Variants in PRKCQ observed in about 807,000 individuals in gnomAD.
PRKCQ encodes protein kinase C theta.
Under a neutral mutation model 91.2 loss-of-function variants are expected in PRKCQ, and 41 were observed. That is an observed-to-expected ratio of 0.45 (90% confidence interval 0.35 to 0.58). The LOEUF (loss-of-function observed/expected upper bound fraction) is 0.58. Among genes scored for constraint, PRKCQ ranks in the 20% least tolerant of loss-of-function variants. The probability of loss-of-function intolerance (pLI) is 0.00; values close to 1 mark genes in which losing one functional copy is unlikely to be tolerated. For synonymous variants in PRKCQ, 307 were observed against 316.9 expected (o/e 0.97, Z 0.33); for missense variants, 673 against 896.5 (o/e 0.75, Z 3.18).
intron 16 of PRKCQ, among the ~76,000 whole-genome samples, chr10:6,439,517 G>T (rs1241160715): frequency 6.6e-6 from 1 of 152,022 alleles, no homozygotes; most frequent in African/African-American, 2.4e-5. Context: ...TGCCTCTCCT[G>T]CCTCCCTTCC....
intron 3 of PRKCQ, among the ~76,000 whole-genome samples, chr10:6,507,860 C>T (rs556795769): frequency 6.6e-6 from 1 of 152,212 alleles, no homozygotes; most frequent in Admixed American, 6.5e-5. Context: ...GGCACTGGGA[C>T]TGGCTTCCTT....
intron 3 of PRKCQ, among the ~76,000 whole-genome samples, 186 bp from the exon 4 acceptor site, chr10:6,507,682 T>A (rs1368374248): frequency 6.6e-6 from 1 of 152,224 alleles, no homozygotes; most frequent in Non-Finnish European, 1.5e-5. Context: ...CTTTCTTTTC[T>A]TAAAACATCC....
At chr10:6,499,625 A>G (rs1837795902) in intron 4 of PRKCQ, among the ~76,000 whole-genome samples, 2 of 152,246 alleles carry the variant, frequency 1.3e-5, no homozygotes, top group African/African-American at 2.4e-5. Context: ...TAATTTTGTA[A>G]TAGCTTGAAG....
intron 1 of PRKCQ, among the ~76,000 whole-genome samples, chr10:6,540,383 C>T (rs1461844978): frequency 3.3e-5 from 5 of 152,168 alleles, no homozygotes; most frequent in Admixed American, 6.5e-5. Context: ...TCAACACTAA[C>T]GCCCCATTCC....
chr10:6,486,956 A>T (rs1588742241), intron 8 of PRKCQ, among the ~76,000 whole-genome samples: 1 of 152,202 alleles, frequency 6.6e-6, no homozygotes, highest in Non-Finnish European at 1.5e-5. Context: ...GAACACACCT[A>T]GCAAGACTGG....
At chr10:6,488,350 T>TA (rs1441137195) in intron 8 of PRKCQ, among the ~76,000 whole-genome samples, 1 of 152,048 alleles carries the variant, frequency 6.6e-6, no homozygotes, top group African/African-American at 2.4e-5. Flanking sequence ...AGCTCAATAA[T>TA]AAAATAAAGC....
At chr10:6,572,539 C>T (rs1391372161) in intron 1 of PRKCQ, among the ~76,000 whole-genome samples, 1 of 152,212 alleles carries the variant, frequency 6.6e-6, no homozygotes, top group African/African-American at 2.4e-5. Context: ...CCAGCTCTAT[C>T]CATGTCCCTG....
At chr10:6,560,416 GCTT>G (rs1049764410) in intron 1 of PRKCQ, among the ~76,000 whole-genome samples, 17 of 152,272 alleles carry the variant, frequency 1.1e-4, no homozygotes, top group African/African-American at 3.6e-4. Flanking sequence ...GGTTTTCACA[GCTT>G]CTTCTTCCCC....
intron 3 of PRKCQ, among the ~76,000 whole-genome samples, chr10:6,509,444 C>T (rs1336191684): frequency 6.6e-6 from 1 of 152,222 alleles, no homozygotes; most frequent in African/African-American, 2.4e-5. Flanking sequence ...TCCTCAGTTT[C>T]TCCCATTCCT....
intron 1 of PRKCQ, among the ~76,000 whole-genome samples, chr10:6,532,358 T>G (rs775215048): frequency 1.3e-5 from 2 of 152,244 alleles, no homozygotes; most frequent in African/African-American, 2.4e-5. Context: ...GGATACATAG[T>G]TGGCAAATGT....
At chr10:6,577,493 C>A (rs546940892) in intron 1 of PRKCQ, among the ~76,000 whole-genome samples, 1 of 152,098 alleles carries the variant, frequency 6.6e-6, no homozygotes, top group African/African-American at 2.4e-5. Flanking sequence ...GAGTTTAATG[C>A]TATGTATGCC....
At chr10:6,480,372 A>G (rs1479125203) in intron 11 of PRKCQ, among the ~76,000 whole-genome samples, 1 of 152,228 alleles carries the variant, frequency 6.6e-6, no homozygotes, top group Non-Finnish European at 1.5e-5. Flanking sequence ...ATTTAACTCC[A>G]AAATCTACTT....
chr10:6,429,724 T>C (rs905933848), intron 17 of PRKCQ, among the ~76,000 whole-genome samples: 1 of 151,142 alleles, frequency 6.6e-6, no homozygotes, highest in South Asian at 2.1e-4. Context: ...ATGACTTTTT[T>C]TTGTTGTTTT....
intron 11 of PRKCQ, among the ~76,000 whole-genome samples, chr10:6,483,036 TAG>T (rs1234708657): frequency 3.3e-5 from 5 of 151,974 alleles, no homozygotes; most frequent in Non-Finnish European, 7.4e-5. Context: ...AGATATTTAA[TAG>T]AGAGAGAAAA....
chr10:6,508,095 T>C (rs897842927), intron 3 of PRKCQ, among the ~76,000 whole-genome samples: 1 of 152,174 alleles, frequency 6.6e-6, no homozygotes, highest in African/African-American at 2.4e-5. Flanking sequence ...AATTTATAAA[T>C]GTATATAAAT....
chr10:6,449,526 A>G (rs2132285226), intron 15 of PRKCQ, among the ~76,000 whole-genome samples: 1 of 152,296 alleles, frequency 6.6e-6, no homozygotes, highest in Non-Finnish European at 1.5e-5. Context: ...ATTATCCAGG[A>G]GAACTTCCCC....
intron 15 of PRKCQ, among the ~76,000 whole-genome samples, chr10:6,447,770 C>T (rs908786647): frequency 2.6e-5 from 4 of 152,172 alleles, no homozygotes; most frequent in Non-Finnish European, 4.4e-5. Context: ...GTCGGCCTTC[C>T]CCAGGCCACA....
intron 1 of PRKCQ, among the ~76,000 whole-genome samples, chr10:6,529,281 C>A (rs1028946513): frequency 1.3e-5 from 2 of 152,188 alleles, no homozygotes; most frequent in Non-Finnish European, 2.9e-5. Context: ...AAGATGCTGC[C>A]TTCTGTAGGA....
At chr10:6,504,315 C>T (rs1241905886) in intron 4 of PRKCQ, among the ~76,000 whole-genome samples, 1 of 152,116 alleles carries the variant, frequency 6.6e-6, no homozygotes, top group Non-Finnish European at 1.5e-5. Context: ...TATATTCTTC[C>T]CATTAGTTCA....
Sources: allele counts gnomAD v4.1 joint callset (sites outside exome capture counted in the v4.1 genomes callset), GRCh38; gene constraint gnomAD v4.1.1; transcripts MANE v1.5; gene names NCBI Gene and HGNC (gene_info 2026-07-23, HGNC 2026-07-21).